The following TMPRSS12 variants were observed in gnomAD, a reference collection of about 807,000 sequenced individuals.
The protein encoded by TMPRSS12 is transmembrane protease serine 12.
Under a neutral mutation model 26.0 loss-of-function variants are expected in TMPRSS12, and 25 were observed. That is an observed-to-expected ratio of 0.96 (90% confidence interval 0.70 to 1.34). TMPRSS12 has a LOEUF of 1.34. TMPRSS12 is among the 40% of genes most tolerant of loss of function. TMPRSS12 has a pLI of 0.00. For synonymous variants in TMPRSS12, 150 were observed against 161.7 expected (o/e 0.93, Z 0.55); for missense variants, 441 against 440.1 (o/e 1.00, Z -0.02).
At chr12:50,872,552 A>AT (rs1938057212) in intron 3 of TMPRSS12, among the ~76,000 whole-genome samples, 1 of 110,338 alleles carries the variant, frequency 9.1e-6, no homozygotes, top group Non-Finnish European at 1.9e-5. Context: ...AGGAACTGTG[A>AT]AAAAAATATA....
At chr12:50,850,541 C>G (rs1226588503) in intron 2 of TMPRSS12, among the ~76,000 whole-genome samples, 1 of 152,176 alleles carries the variant, frequency 6.6e-6, no homozygotes, top group Non-Finnish European at 1.5e-5. Flanking sequence ...GTTCACTCCA[C>G]TGTACTTCAG....
chr12:50,880,228 T>G (rs1328855100), intron 3 of TMPRSS12, among the ~76,000 whole-genome samples: 1 of 151,356 alleles, frequency 6.6e-6, no homozygotes, highest in African/African-American at 2.4e-5. Flanking sequence ...AAGATCTCAT[T>G]GCTACAAAAA....
At chr12:50,885,674 T>G in intron 4 of TMPRSS12, 1 of 585,940 alleles carries the variant, frequency 1.7e-6, no homozygotes, top group East Asian at 2.8e-5. Context: ...TTTTTTTTAT[T>G]TGAGATAGTC....
chr12:50,856,460 A>G (rs887823095), intron 2 of TMPRSS12, among the ~76,000 whole-genome samples: 28 of 152,204 alleles, frequency 1.8e-4, no homozygotes, highest in Admixed American at 1.6e-3. Context: ...CCAAATACAT[A>G]TGAATGTACC....
intron 2 of TMPRSS12, among the ~76,000 whole-genome samples, chr12:50,852,503 C>G (rs1462475758): frequency 6.6e-6 from 1 of 152,206 alleles, no homozygotes; most frequent in Non-Finnish European, 1.5e-5. Flanking sequence ...CTCTGCCGCC[C>G]AGGTTCAAGC....
At chr12:50,846,998 TTTC>T in intron 2 of TMPRSS12, among the ~76,000 whole-genome samples, 1 of 144,992 alleles carries the variant, frequency 6.9e-6, no homozygotes, top group African/African-American at 2.8e-5. Flanking sequence ...GGTTTTTCTG[TTTC>T]TGCAAAAAAA....
intron 3 of TMPRSS12, among the ~76,000 whole-genome samples, chr12:50,869,617 G>A (rs1374132857): frequency 3.3e-5 from 5 of 152,074 alleles, no homozygotes; most frequent in Non-Finnish European, 7.4e-5. Context: ...CCACAAGATA[G>A]AGAAAGACAG....
At chr12:50,866,454 C>T (rs1023883125) in intron 3 of TMPRSS12, among the ~76,000 whole-genome samples, 2 of 152,070 alleles carry the variant, frequency 1.3e-5, no homozygotes, top group African/African-American at 4.8e-5. Context: ...TCACCCCCAT[C>T]CCTCACAGCA....
At position 50,864,040 on chromosome 12, in the gene TMPRSS12, C is replaced by T. The variant is rs1056081633; in HGVS notation, c.652+4987C>T. Among the ~76,000 whole-genome samples, 5 of 152,272 alleles carry T rather than the reference C, an allele frequency of 3.3e-5. No homozygotes were observed. In the South Asian group the frequency reaches 6.2e-4, roughly 19 times the overall value. ...TAACCAACAAATCCTCACCTCCTAT[C>T]GCCATCCCCATGTTTACTGGGAAAA... On this transcript the variant is annotated intron_variant, in intron 3 of 4. Transcript: ENST00000398458.
At chr12:50,845,146 T>C (rs975310440) in intron 2 of TMPRSS12, among the ~76,000 whole-genome samples, 3 of 152,222 alleles carry the variant, frequency 2.0e-5, no homozygotes, top group African/African-American at 7.2e-5. Flanking sequence ...TTCATCTCCA[T>C]TGACCCATAA....
intron 2 of TMPRSS12, among the ~76,000 whole-genome samples, chr12:50,855,268 C>G (rs1937864795): frequency 6.6e-6 from 1 of 152,162 alleles, no homozygotes. Flanking sequence ...AAGAAACTAT[C>G]AACAGAGTAA....
intron 3 of TMPRSS12, among the ~76,000 whole-genome samples, chr12:50,872,936 A>G (rs1358879572): frequency 6.9e-6 from 1 of 145,372 alleles, no homozygotes; most frequent in East Asian, 2.1e-4. Context: ...TGATGTATAT[A>G]TGTACATATA....
At chr12:50,855,134 G>C (rs1937863519) in intron 2 of TMPRSS12, among the ~76,000 whole-genome samples, 1 of 152,060 alleles carries the variant, frequency 6.6e-6, no homozygotes. Flanking sequence ...AATGGAACAG[G>C]TTAGAGAACC....
intron 2 of TMPRSS12, 48 bp downstream of exon 2, chr12:50,844,085 G>A (rs1937745549): frequency 6.9e-7 from 1 of 1,443,356 alleles, no homozygotes; most frequent in Non-Finnish European, 9.1e-7. Context: ...GGGATATTTT[G>A]AAGTGATAGA....
Position 50,885,317 on chromosome 12 carries a change from A to G in TMPRSS12, c.724A>G (p.Ser242Gly). 2 of 1,613,602 alleles carry G rather than the reference A, an allele frequency of 1.2e-6. No individual in the cohort carries two copies. The highest frequency in any genetic ancestry group is 3.3e-4 in the Middle Eastern group (2 of 6,058). ...ISREMCNSER[S>G]YGGIIPNTSF... ...TCGAGAGATGTGTAATTCTGAGAGG[A>G]GTTATGGGGGAATAATTCCTAACAC... Residue 242 changes from serine to glycine, a missense_variant, in exon 4 of 5, where the codon AGT (serine) becomes GGT (glycine). Ser to Gly is a moderately conservative substitution (Grantham distance 56). Transcript: ENST00000398458.
chr12:50,846,334 G>A (rs1370413159), intron 2 of TMPRSS12, among the ~76,000 whole-genome samples: 8 of 152,054 alleles, frequency 5.3e-5, no homozygotes, highest in Non-Finnish European at 1.0e-4. Flanking sequence ...TCAGGTAAGG[G>A]TACAATTTCA....
In TMPRSS12 at chr12:50,882,977, GC is replaced by G. The variant is rs1250560688; in HGVS notation, c.653-2268del. Among the ~76,000 whole-genome samples the G allele has an allele frequency of 2.6e-5, 4 of 152,262 alleles. No individual in the cohort carries two copies. The East Asian group carries it at 7.7e-4, about 29-fold the overall frequency. On this transcript the variant is annotated intron_variant, in intron 3 of 4. Coordinates refer to ENST00000398458, the MANE Select transcript of TMPRSS12 (RefSeq NM_182559.3). Reference sequence around the variant, plus strand: ...TAAGAGAAAGCCCAACGTTATAAATGCAGGCATTTCAAACAAATTATTAGTA... The same window carrying G: ...TAAGAGAAAGCCCAACGTTATAAATGAGGCATTTCAAACAAATTATTAGTA...
intron 3 of TMPRSS12, among the ~76,000 whole-genome samples, chr12:50,883,165 CA>C (rs1349917881): frequency 2.6e-5 from 4 of 151,632 alleles, no homozygotes; most frequent in East Asian, 1.9e-4. Context: ...ACTGTTGCTA[CA>C]AAAAAAACCA....
At chr12:50,863,022 G>A (rs566252387) in intron 3 of TMPRSS12, among the ~76,000 whole-genome samples, 12 of 151,838 alleles carry the variant, frequency 7.9e-5, no homozygotes, top group Non-Finnish European at 1.0e-4. Flanking sequence ...GGGAGACCTC[G>A]TCGCTAAAAA....
Sources: gnomAD v4.1 joint callset for allele counts (sites outside exome capture counted in the v4.1 genomes callset) on GRCh38, gnomAD v4.1.1 for gene constraint, MANE v1.5 for transcripts, NCBI Gene and HGNC (gene_info 2026-07-23, HGNC 2026-07-21) for gene names.